The following EIF3K variants were observed in gnomAD, a reference collection of about 807,000 sequenced individuals.
EIF3K encodes the protein eukaryotic translation initiation factor 3 subunit K.
EIF3K carries 27 observed loss-of-function variants against 34.2 expected under a neutral mutation model. The ratio of observed to expected loss-of-function variants is 0.79; its 90% CI spans 0.58 to 1.09. The LOEUF is 1.09. Among genes scored for constraint, EIF3K ranks in the 50% least tolerant of loss-of-function variants. The pLI is 0.00. For missense variants in EIF3K, 232 were observed against 275.4 expected, an observed-to-expected ratio of 0.84 and a Z score of 1.11; for synonymous variants, 105 against 105.7, an observed-to-expected ratio of 0.99 and a Z score of 0.04.
chr19:38,624,138 C>T lies in EIF3K; in HGVS notation c.220C>T (p.Leu74Phe), dbSNP rs757141246. Reference protein sequence around the residue: ...TVTAQILLKALTNLPHTDFTL... With the variant: ...TVTAQILLKAFTNLPHTDFTL... Reference sequence around the variant, plus strand: ...CACCGCCCAGATCCTGCTGAAGGCCCTCACCAACTTGCCGCACACAGACTT... The same window carrying T: ...CACCGCCCAGATCCTGCTGAAGGCCTTCACCAACTTGCCGCACACAGACTT... The change falls in exon 3 of 8, where the codon CTC becomes TTC. Residue 74 changes from leucine to phenylalanine, a missense_variant. Physicochemically the swap from Leu to Phe is conservative, Grantham distance 22 (BLOSUM62 0). Transcript: ENST00000248342. The T allele has an allele frequency of 5.6e-6, 9 of 1,614,214 alleles. No homozygotes were observed. The highest frequency in any genetic ancestry group is 7.6e-6 in the Non-Finnish European group (9 of 1,180,036).
At chr19:38,619,487 GGTA>G (rs1433636347) in intron 1 of EIF3K, among the ~76,000 whole-genome samples, 160 bp downstream of exon 1, 1 of 152,152 alleles carries the variant, frequency 6.6e-6, no homozygotes, top group Non-Finnish European at 1.5e-5. Context: ...CTGAGCTGGG[GGTA>G]GTGGCTCACG....
chr19:38,632,495 G>A lies in EIF3K; in HGVS notation c.420G>A (p.Lys140=), dbSNP rs1976091096. The part of the protein sequence containing the change: ...GITGFEDSVR[K]FICHVVGITY... ...CTGGCTTTGAAGACTCTGTCCGAAAGTGTAAGTCCCTCTCTGAGGCTGGGC... is the reference window on the plus strand; with the variant it reads ...CTGGCTTTGAAGACTCTGTCCGAAAATGTAAGTCCCTCTCTGAGGCTGGGC... Residue 140 remains lysine, a splice_region_variant and synonymous_variant, in exon 5 of 8, where the codon AAG becomes AAA. Transcript: ENST00000248342. The A allele has an allele frequency of 1.9e-6, 3 of 1,614,214 alleles. No homozygotes were observed. The highest frequency in any genetic ancestry group is 2.5e-6 in the Non-Finnish European group (3 of 1,180,028).
chr19:38,633,677 C>G (rs1219007688), intron 6 of EIF3K, among the ~76,000 whole-genome samples: 1 of 147,042 alleles, frequency 6.8e-6, no homozygotes, highest in Non-Finnish European at 1.5e-5. Context: ...GTGATAAGAT[C>G]GAAACTCCAT....
intron 3 of EIF3K, among the ~76,000 whole-genome samples, chr19:38,624,942 C>G (rs1340360611): frequency 6.6e-6 from 1 of 152,112 alleles, no homozygotes; most frequent in Non-Finnish European, 1.5e-5. Context: ...ACTGTTCACT[C>G]TTCTGTATTT....
chr19:38,634,251 C>T (rs1599740637), intron 6 of EIF3K, among the ~76,000 whole-genome samples: 1 of 148,668 alleles, frequency 6.7e-6, no homozygotes, highest in Non-Finnish European at 1.5e-5. Context: ...CCTCTGCCAC[C>T]TCGCCCAGCT....
At chr19:38,634,389 G>A (rs987296019) in intron 6 of EIF3K, among the ~76,000 whole-genome samples, 5 of 150,634 alleles carry the variant, frequency 3.3e-5, no homozygotes, top group South Asian at 2.1e-4. Flanking sequence ...ACCTGAGGTC[G>A]GGAGTTCGAG....
chr19:38,628,805 G>C (rs550890298), intron 4 of EIF3K, among the ~76,000 whole-genome samples: 3 of 151,614 alleles, frequency 2.0e-5, no homozygotes, highest in African/African-American at 7.3e-5. Flanking sequence ...GTCTGAAAAA[G>C]AGCGAAACTC....
chr19:38,630,156 C>CT (rs200616580), intron 4 of EIF3K, among the ~76,000 whole-genome samples: 9,320 of 141,592 alleles, frequency 0.066, 988 homozygotes, highest in East Asian at 0.5. Flanking sequence ...GTGGTAGCTG[C>CT]TTTTTTTTTT....
At chr19:38,624,250 G>T in intron 3 of EIF3K, 53 bp downstream of exon 3, 1 of 1,610,084 alleles carries the variant, frequency 6.2e-7, no homozygotes, top group South Asian at 1.1e-5. Flanking sequence ...TCAGAGTCAA[G>T]GTGCATGAAT....
At chr19:38,631,782 T>C (rs1976072109) in intron 4 of EIF3K, among the ~76,000 whole-genome samples, 1 of 152,230 alleles carries the variant, frequency 6.6e-6, no homozygotes. Context: ...CTGGCTTTCC[T>C]AGGCAGAGGT....
intron 4 of EIF3K, 67 bp downstream of exon 4, chr19:38,626,169 A>G: frequency 7.1e-7 from 1 of 1,411,256 alleles, no homozygotes; most frequent in Non-Finnish European, 1.0e-6. Flanking sequence ...GCTAAAAGTA[A>G]CAACGGTGCA....
At chr19:38,629,275 T>A (rs1976011885) in intron 4 of EIF3K, among the ~76,000 whole-genome samples, 1 of 120,380 alleles carries the variant, frequency 8.3e-6, no homozygotes, top group Non-Finnish European at 1.7e-5. Context: ...TTGTTTGTTT[T>A]GTTTTGTTTT....
intron 4 of EIF3K, among the ~76,000 whole-genome samples, chr19:38,626,486 T>C (rs1171457881): frequency 6.6e-6 from 1 of 152,086 alleles, no homozygotes; most frequent in African/African-American, 2.4e-5. Flanking sequence ...AAACTTCATC[T>C]CTACAAAATT....
At chr19:38,633,495 C>G (rs1039488729) in intron 6 of EIF3K, among the ~76,000 whole-genome samples, 3 of 152,016 alleles carry the variant, frequency 2.0e-5, no homozygotes, top group African/African-American at 7.2e-5. Context: ...GTCAGGAGTT[C>G]GAGACCAGCC....
At chr19:38,624,220 G>A (rs200239843) in intron 3 of EIF3K, 23 bp downstream of exon 3, 25 of 1,610,708 alleles carry the variant, frequency 1.6e-5, no homozygotes, top group East Asian at 4.5e-5. Flanking sequence ...CACTGGGGCC[G>A]GGGGGTGTGT....
At chr19:38,627,092 T>C (rs1212915557) in intron 4 of EIF3K, among the ~76,000 whole-genome samples, 1 of 152,138 alleles carries the variant, frequency 6.6e-6, no homozygotes, top group Non-Finnish European at 1.5e-5. Flanking sequence ...GTTCAACTGA[T>C]TCTCGTGCCT....
intron 7 of EIF3K, 185 bp downstream of exon 7, chr19:38,635,303 G>A (rs1367870635): frequency 3.7e-6 from 3 of 818,500 alleles, no homozygotes; most frequent in African/African-American, 1.7e-5. Flanking sequence ...GGGGAGCTGG[G>A]TGATCTTCCC....
At chr19:38,631,336 G>T (rs1853744290) in intron 4 of EIF3K, among the ~76,000 whole-genome samples, 1 of 152,192 alleles carries the variant, frequency 6.6e-6, no homozygotes, top group South Asian at 2.1e-4. Context: ...TTCTCGGAGA[G>T]GGGGATGTGG....
chr19:38,625,866 T>C (rs1485446576), intron 3 of EIF3K, among the ~76,000 whole-genome samples, 162 bp from the exon 4 acceptor site: 1 of 152,202 alleles, frequency 6.6e-6, no homozygotes, highest in Non-Finnish European at 1.5e-5. Context: ...TCCTTTCTCC[T>C]GCATACACCT....
Sources: gnomAD v4.1 joint callset for allele counts (sites outside exome capture counted in the v4.1 genomes callset) on GRCh38, gnomAD v4.1.1 for gene constraint, MANE v1.5 for transcripts, NCBI Gene and HGNC (gene_info 2026-07-23, HGNC 2026-07-21) for gene names.